BCL9: variants seen among roughly 807,000 people sequenced by gnomAD.
BCL9 encodes the protein B-cell CLL/lymphoma 9 protein.
BCL9 carries 25 observed loss-of-function variants against 88.5 expected under a neutral mutation model. The ratio of observed to expected loss-of-function variants is 0.28; its 90% CI spans 0.21 to 0.39. The LOEUF (loss-of-function observed/expected upper bound fraction) is 0.39, where lower values mean the gene tolerates loss of function less well. Among genes scored for constraint, BCL9 ranks in the 10% least tolerant of loss-of-function variants. The pLI is 1.00. For missense variants in BCL9, 1,817 were observed against 1,877.8 expected, an observed-to-expected ratio of 0.97 and a Z score of 0.60; for synonymous variants, 711 against 673.3, an observed-to-expected ratio of 1.06 and a Z score of -0.87.
Position 147,555,449 on chromosome 1 carries a change from G to A in BCL9, c.-478+13775G>A, listed in dbSNP as rs587688804. 1.2e-4 allele frequency among the ~76,000 whole-genome samples: 18 copies of A among 152,238 alleles called. 1 individual carries two copies. In the South Asian group the frequency reaches 2.1e-3, roughly 18 times the overall value. On this transcript the variant is annotated intron_variant, in intron 1 of 9. Coordinates refer to ENST00000234739, the MANE Select transcript of BCL9 (RefSeq NM_004326.4). ...CACACCCTGTATTGTAGCTTTTAAC[G>A]TATTATTTGGTTAACAACAGTAGAG...
intron 9 of BCL9, 146 bp from the exon 10 acceptor site, chr1:147,623,696 A>AT: frequency 4.4e-6 from 4 of 904,318 alleles, no homozygotes; most frequent in Non-Finnish European, 6.6e-6. Context: ...TTATGATCTT[A>AT]TTGATGGCAG....
At position 147,620,687 on chromosome 1, in the gene BCL9, G is replaced by A. The variant is rs1553205126; in HGVS notation, c.2532G>A (p.Lys844=). Residue 844 remains lysine, a synonymous_variant, in exon 8 of 10, where the codon AAG becomes AAA. Coordinates refer to ENST00000234739, the MANE Select transcript of BCL9 (RefSeq NM_004326.4). ...APPVQRGLGR[K]PLDISVAGSQ... ...CAGTTCAGCGCGGCCTGGGGCGGAA[G>A]CCCTTGGATATATCTGTGGCAGGCA... The A allele has an allele frequency of 6.2e-7, 1 of 1,614,208 alleles. No individual in the cohort carries two copies. The highest frequency in any genetic ancestry group is 1.7e-5 in the Admixed American group (1 of 60,030).
Position 147,611,622 on chromosome 1 carries a change from G to A in BCL9, c.-215G>A, listed in dbSNP as rs1321381651. ...ATTTTCCTCTGGCAGCAGGAGGCAC[G>A]CACCCAGAGAATGCTGGAGCTGCAA... On this transcript the variant is annotated 5_prime_UTR_variant, in exon 4 of 10. Coordinates refer to ENST00000234739, the MANE Select transcript of BCL9 (RefSeq NM_004326.4). The A allele has an allele frequency of 9.2e-5, 52 of 565,044 alleles. No homozygotes were observed. Among genetic ancestry groups the A allele is most frequent in the African/African-American group, 3.8e-5 (2 of 53,220 alleles). 35.0% of individuals were successfully genotyped at this position (565,044 alleles called of 1,614,324 possible).
chr1:147,550,648 A>C (rs977624672), intron 1 of BCL9, among the ~76,000 whole-genome samples: 4 of 152,182 alleles, frequency 2.6e-5, no homozygotes, highest in African/African-American at 9.7e-5. Context: ...GATAAATAGA[A>C]GCATTAAACT....
At chr1:147,547,975 T>C (rs587769315) in intron 1 of BCL9, among the ~76,000 whole-genome samples, 3 of 152,364 alleles carry the variant, frequency 2.0e-5, no homozygotes, top group African/African-American at 7.2e-5. Flanking sequence ...GTTTAAAACT[T>C]TGGAGAGCTT....
At chr1:147,579,901 T>C (rs2101547489) in intron 1 of BCL9, among the ~76,000 whole-genome samples, 1 of 152,338 alleles carries the variant, frequency 6.6e-6, no homozygotes, top group Admixed American at 6.5e-5. Flanking sequence ...TTCTGATTTT[T>C]CTTTCCTTGG....
chr1:147,553,617 T>C (rs1654985664), intron 1 of BCL9, among the ~76,000 whole-genome samples: 2 of 152,218 alleles, frequency 1.3e-5, no homozygotes, highest in African/African-American at 4.8e-5. Context: ...ATTGAATTCT[T>C]GGCTTCATTG....
chr1:147,598,011 G>T (rs1553200655), intron 1 of BCL9, among the ~76,000 whole-genome samples: 1 of 152,160 alleles, frequency 6.6e-6, no homozygotes, highest in African/African-American at 2.4e-5. Flanking sequence ...TCTGGTCTGG[G>T]ATTCCCCCCA....
In BCL9 at chr1:147,624,173, C is replaced by T. The variant is rs377682116; in HGVS notation, c.3495C>T (p.Phe1165=). The change falls in exon 10 of 10, where the codon TTC becomes TTT. Residue 1165 remains phenylalanine (F), a synonymous_variant. Coordinates refer to ENST00000234739, the MANE Select transcript of BCL9 (RefSeq NM_004326.4). The surrounding 1 kb of genome is among the most constrained non-coding windows in gnomAD (Gnocchi z 4.4). ...GCCCCAGTGGGGGGCAGGGCAGCTT[C>T]CCAGGAGGGATGGGTTTCCCAGGAG... ...HNGPSGGQGS[F]PGGMGFPGEG... The T allele has an allele frequency of 6.2e-7, 1 of 1,603,622 alleles. No homozygotes were observed.
intron 2 of BCL9, among the ~76,000 whole-genome samples, chr1:147,605,729 T>C (rs1466011021): frequency 2.6e-5 from 4 of 152,180 alleles, no homozygotes; most frequent in African/African-American, 7.2e-5. Context: ...AGAGGAAGCC[T>C]TTTAGTAGTC....
chr1:147,568,070 C>T (rs1177128447), intron 1 of BCL9, among the ~76,000 whole-genome samples: 1 of 152,196 alleles, frequency 6.6e-6, no homozygotes, highest in Non-Finnish European at 1.5e-5. Flanking sequence ...CCTTGCATAT[C>T]AAGCTTTAGA....
In BCL9 at chr1:147,619,725, G is replaced by A; in HGVS notation, c.1570G>A (p.Glu524Lys). 6.2e-7 allele frequency: 1 copy of A among 1,614,066 alleles called. No homozygotes were observed. Among genetic ancestry groups the A allele is most frequent in the Non-Finnish European group, 8.5e-7 (1 of 1,180,016 alleles). ...PPPPYQMTPS[E>K]GWAPGGTEPF... ...CCCTCCATACCAGATGACCCCTAGT[G>A]AAGGCTGGGCACCTGGGGGTACAGA... The change falls in exon 8 of 10, where the codon GAA becomes AAA. Residue 524 changes from glutamate (E) to lysine (K), a missense_variant. Physicochemically the swap from Glu to Lys is moderately conservative, Grantham distance 56. Transcript: ENST00000234739. This position sits in a 1 kb window ranked among gnomAD's most constrained non-coding sequence, Gnocchi z 4.1.
intron 9 of BCL9, among the ~76,000 whole-genome samples, chr1:147,623,329 TAA>T (rs1321969145): frequency 9.2e-5 from 14 of 152,248 alleles, no homozygotes; most frequent in Admixed American, 1.3e-4. Context: ...CCTTTTCTAT[TAA>T]AAGTTATTTC....
intron 3 of BCL9, among the ~76,000 whole-genome samples, chr1:147,609,664 G>A (rs1657903418): frequency 6.6e-6 from 1 of 152,196 alleles, no homozygotes; most frequent in Admixed American, 6.5e-5. Context: ...TTTGCTACCA[G>A]CTCATCATAA....
intron 1 of BCL9, among the ~76,000 whole-genome samples, chr1:147,551,112 A>C (rs1460439573): frequency 6.6e-6 from 1 of 152,188 alleles, no homozygotes; most frequent in Admixed American, 6.5e-5. Flanking sequence ...AGTATTTGCT[A>C]TGTGCCACAC....
In BCL9 at chr1:147,620,054, G is replaced by A; in HGVS notation, c.1899G>A (p.Gln633=). 6.2e-7 allele frequency: 1 copy of A among 1,614,208 alleles called. No individual in the cohort carries two copies. The highest frequency in any genetic ancestry group is 1.7e-5 in the Admixed American group (1 of 60,032). ...AAGGATTGTCTGAAGAGATGTTTCA[G>A]CAGCAGCTGGCAGAGAAACAGCTGG... is the stretch of plus-strand genomic sequence containing the variant. ...NPQGLSEEMF[Q]QQLAEKQLGL... is the part of the protein sequence containing the mutation. The change falls in exon 8 of 10, where the codon CAG becomes CAA. Residue 633 remains glutamine (Q), a synonymous_variant. Transcript: ENST00000234739.
At chr1:147,588,218 TG>T (rs1464552999) in intron 1 of BCL9, among the ~76,000 whole-genome samples, 10 of 152,240 alleles carry the variant, frequency 6.6e-5, no homozygotes, top group Admixed American at 2.0e-4. Flanking sequence ...GAAGCAAAGA[TG>T]TATTTTTTTT....
intron 4 of BCL9, 133 bp from the exon 5 acceptor site, chr1:147,612,750 C>CT: frequency 1.2e-6 from 1 of 838,876 alleles, no homozygotes; most frequent in Non-Finnish European, 1.8e-6. Context: ...AAGCAAATGG[C>CT]TGAGGTGAAT....
In BCL9 at chr1:147,624,129, G is replaced by A; in HGVS notation, c.3451G>A (p.Val1151Ile). The A allele has an allele frequency of 1.3e-6, 2 of 1,596,102 alleles. No homozygotes were observed. The highest frequency in any genetic ancestry group is 1.7e-6 in the Non-Finnish European group (2 of 1,169,372). Reference protein sequence around the residue: ...FPPVQSPPQQVPFPHNGPSGG... With the variant: ...FPPVQSPPQQIPFPHNGPSGG... ...TCCAGTACAGTCTCCCCCACAGCAG[G>A]TTCCATTCCCTCACAATGGCCCCAG... Residue 1151 changes from valine (V) to isoleucine (I), a missense_variant, in exon 10 of 10, where the codon GTT (valine) becomes ATT (isoleucine). Physicochemically the swap from Val to Ile is conservative, Grantham distance 29. Around this residue, in one of 2 missense-constraint regions of BCL9, gnomAD observed 589 missense variants for 686.2 expected, o/e 0.86. Coordinates refer to ENST00000234739, the MANE Select transcript of BCL9 (RefSeq NM_004326.4). This position sits in a 1 kb window ranked among gnomAD's most constrained non-coding sequence, Gnocchi z 4.4.
Sources: allele counts gnomAD v4.1 joint callset (sites outside exome capture counted in the v4.1 genomes callset), GRCh38; gene constraint gnomAD v4.1.1; regional missense constraint gnomAD v4.1.1; non-coding constraint Gnocchi (gnomAD v3.1); transcripts MANE v1.5; gene names NCBI Gene and HGNC (gene_info 2026-07-23, HGNC 2026-07-21).